The following PARM1 variants were observed in gnomAD, a reference collection of about 807,000 sequenced individuals.
PARM1 encodes the protein WSC4, cell wall integrity and stress response component 4 homolog.
In PARM1, 14 loss-of-function variants were observed where a neutral mutation model predicts 24.6. The ratio of observed to expected loss-of-function variants is 0.57; its 90% CI spans 0.38 to 0.89. PARM1 has a LOEUF of 0.89. PARM1 is among the 40% of genes least tolerant of loss of function. The probability of loss-of-function intolerance (pLI) is 0.00; values close to 1 mark genes in which losing one functional copy is unlikely to be tolerated. For missense variants in PARM1, 362 were observed against 380.4 expected, an observed-to-expected ratio of 0.95 and a Z score of 0.40; for synonymous variants, 179 against 156.6, an observed-to-expected ratio of 1.14 and a Z score of -1.07.
chr4:74,933,529 CT>C (rs2109976763), intron 1 of PARM1, among the ~76,000 whole-genome samples, 159 bp downstream of exon 1: 1 of 152,256 alleles, frequency 6.6e-6, no homozygotes, highest in African/African-American at 2.4e-5. Flanking sequence ...TGACGTGCAC[CT>C]TTGGCGGTCC....
intron 1 of PARM1, among the ~76,000 whole-genome samples, chr4:74,951,316 G>A (rs1430187712): frequency 6.6e-6 from 1 of 152,204 alleles, no homozygotes; most frequent in Non-Finnish European, 1.5e-5. Flanking sequence ...AGAGTATAGA[G>A]AGATAGCAAA....
rs573466898 is a variant in PARM1, at chr4:74,936,465, T to G, written c.43+3095T>G. ...TTTTTTTTTGTTTGTTTTTTTGTTT[T>G]TTTTTTGAGATGGAGTCTCTCTCTG... is the stretch of plus-strand genomic sequence containing the variant. On this transcript the variant is annotated intron_variant, in intron 1 of 3. Transcript: ENST00000307428. Among the ~76,000 whole-genome samples, 285 of 143,722 alleles carry G rather than the reference T, an allele frequency of 2.0e-3. 2 individuals are homozygous for G. The highest frequency in any genetic ancestry group is 0.014 in the Middle Eastern group (4 of 288). The allele number at this position is 143,722 out of a possible 152,430, so 94.3% of individuals were successfully genotyped here.
chr4:74,933,406 G>T (rs763727829), intron 1 of PARM1, 36 bp downstream of exon 1: 1 of 1,598,564 alleles, frequency 6.3e-7, no homozygotes. Flanking sequence ...GGCAGGTCGC[G>T]GGGTGGGCCC....
In PARM1 at chr4:74,964,503, G is replaced by A. The variant is rs141750740; in HGVS notation, c.43+31133G>A. Among the ~76,000 whole-genome samples the A allele has an allele frequency of 1.6e-4, 24 of 151,552 alleles. No individual in the cohort carries two copies. In the East Asian group the frequency reaches 3.7e-3, roughly 23 times the overall value. ...ATATTGCTCCCTCAGATAAGCCTTC[G>A]CTGACCTCTACTCTTAAAAAGTAAA... On this transcript the variant is annotated intron_variant, in intron 1 of 3. Coordinates refer to ENST00000307428, the MANE Select transcript of PARM1 (RefSeq NM_015393.4).
chr4:75,009,396 C>G (rs1722827982), intron 1 of PARM1, among the ~76,000 whole-genome samples: 1 of 152,240 alleles, frequency 6.6e-6, no homozygotes, highest in Non-Finnish European at 1.5e-5. Context: ...CTCCCTTCCT[C>G]TGACTGGCAT....
At chr4:75,001,743 G>A (rs1438410175) in intron 1 of PARM1, among the ~76,000 whole-genome samples, 1 of 152,126 alleles carries the variant, frequency 6.6e-6, no homozygotes, top group Non-Finnish European at 1.5e-5. Flanking sequence ...AGAGAAAGAG[G>A]CACATCAATA....
At chr4:75,030,116 A>G (rs1163689830) in intron 2 of PARM1, among the ~76,000 whole-genome samples, 1 of 152,190 alleles carries the variant, frequency 6.6e-6, no homozygotes. Flanking sequence ...ACAGAGCAAC[A>G]CTGTAATTTT....
At chr4:74,961,726 G>A (rs1721778472) in intron 1 of PARM1, among the ~76,000 whole-genome samples, 1 of 152,144 alleles carries the variant, frequency 6.6e-6, no homozygotes, top group Admixed American at 6.5e-5. Context: ...TGTCAAAACT[G>A]TCTTTCAAAA....
intron 1 of PARM1, among the ~76,000 whole-genome samples, chr4:74,934,470 A>C (rs1721134845): frequency 6.6e-6 from 1 of 152,236 alleles, no homozygotes; most frequent in Admixed American, 6.5e-5. Context: ...AGCGGTTTTC[A>C]GGCAGCTCAC....
At chr4:74,989,693 A>G (rs1389306452) in intron 1 of PARM1, among the ~76,000 whole-genome samples, 4 of 152,170 alleles carry the variant, frequency 2.6e-5, no homozygotes, top group African/African-American at 9.7e-5. Context: ...AGTAGGGCTG[A>G]AAATCCCAAC....
chr4:74,988,407 G>A (rs1047402767), intron 1 of PARM1, among the ~76,000 whole-genome samples: 17 of 152,192 alleles, frequency 1.1e-4, no homozygotes, highest in Admixed American at 3.3e-4. Context: ...GAGATGGCGC[G>A]TATCAGTATA....
rs79642870 is a variant in PARM1 at position 74,984,766 on chromosome 4, C to G, written c.44-27659C>G. Among the ~76,000 whole-genome samples, 1,216 of 152,304 alleles carry G rather than the reference C, an allele frequency of 8.0e-3. 7 individuals carry two copies. Among genetic ancestry groups the G allele is most frequent in the African/African-American group, 0.027 (1,131 of 41,566 alleles). On this transcript the variant is annotated intron_variant, in intron 1 of 3. Transcript: ENST00000307428. ...AGCCTCCTAGGAGCTGAGGTCAAAT[C>G]CAGCCTTCAGCCTATTTTTGTTCAA...
At chr4:74,938,986 C>A (rs1044644897) in intron 1 of PARM1, among the ~76,000 whole-genome samples, 1 of 152,098 alleles carries the variant, frequency 6.6e-6, no homozygotes, top group Non-Finnish European at 1.5e-5. Context: ...CAAAGGTTGT[C>A]CAGTCAAATT....
intron 2 of PARM1, among the ~76,000 whole-genome samples, chr4:75,033,632 G>A (rs1225082211): frequency 6.6e-6 from 1 of 152,040 alleles, no homozygotes; most frequent in Non-Finnish European, 1.5e-5. Context: ...TAAATTCCAG[G>A]CCAGCCAAAA....
At chr4:75,043,508 G>A (rs1403864550) in intron 3 of PARM1, among the ~76,000 whole-genome samples, 2 of 151,902 alleles carry the variant, frequency 1.3e-5, no homozygotes, top group Non-Finnish European at 2.9e-5. Context: ...ACATTTTATG[G>A]GAATAAAAAT....
chr4:74,974,895 G>T (rs1035706239), intron 1 of PARM1, among the ~76,000 whole-genome samples: 3 of 152,102 alleles, frequency 2.0e-5, no homozygotes, highest in African/African-American at 4.8e-5. Context: ...GGCAAAAGGT[G>T]GTCATTAGCA....
chr4:75,001,322 C>A (rs759699780), intron 1 of PARM1, among the ~76,000 whole-genome samples: 1 of 152,142 alleles, frequency 6.6e-6, no homozygotes, highest in Non-Finnish European at 1.5e-5. Context: ...ATACACATAG[C>A]AACAGAGGTG....
chr4:75,033,853 C>G (rs1255596031), intron 2 of PARM1, 30 bp from the exon 3 acceptor site: 3 of 1,568,374 alleles, frequency 1.9e-6, no homozygotes, highest in Admixed American at 1.8e-5. Flanking sequence ...CCTCATGTAT[C>G]TTCTTTTCTG....
chr4:75,024,730 C>T (rs1723151388), intron 2 of PARM1, among the ~76,000 whole-genome samples: 1 of 152,164 alleles, frequency 6.6e-6, no homozygotes, highest in Non-Finnish European at 1.5e-5. Context: ...ATTTTGCTCA[C>T]TCTCGTCGCC....
Sources: gnomAD v4.1 joint callset for allele counts (sites outside exome capture counted in the v4.1 genomes callset) on GRCh38, gnomAD v4.1.1 for gene constraint, MANE v1.5 for transcripts, NCBI Gene and HGNC (gene_info 2026-07-23, HGNC 2026-07-21) for gene names.